Variants in PAK5 observed in about 807,000 individuals in gnomAD.
PAK5 encodes serine/threonine-protein kinase PAK 5.
In PAK5, 16 loss-of-function variants were observed where a neutral mutation model predicts 65.9. The ratio of observed to expected loss-of-function variants is 0.24; its 90% confidence interval spans 0.16 to 0.37. The LOEUF (loss-of-function observed/expected upper bound fraction) is 0.37, where lower values mean the gene tolerates loss of function less well. PAK5 is among the 10% of genes least tolerant of loss of function. PAK5 has a pLI of 1.00. For missense variants in PAK5, 785 were observed against 903.9 expected, an observed-to-expected ratio of 0.87 and a Z score of 1.69; for synonymous variants, 371 against 354.9, an observed-to-expected ratio of 1.05 and a Z score of -0.51.
chr20:9,773,009 T>A (rs1423351408), intron 1 of PAK5, among the ~76,000 whole-genome samples: 2 of 152,318 alleles, frequency 1.3e-5, no homozygotes, highest in East Asian at 3.9e-4. Context: ...CTAAGAGAGA[T>A]AAATCCTCAT....
chr20:9,703,209 C>T (rs2047962067), intron 2 of PAK5, among the ~76,000 whole-genome samples: 1 of 152,236 alleles, frequency 6.6e-6, no homozygotes, highest in African/African-American at 2.4e-5. Flanking sequence ...TCGGGATCAG[C>T]TCCAAGTGTC....
chr20:9,607,054 A>C (rs1427392775), intron 3 of PAK5, among the ~76,000 whole-genome samples: 1 of 152,280 alleles, frequency 6.6e-6, no homozygotes, highest in East Asian at 1.9e-4. Context: ...TCTATATTTC[A>C]TATTCTCTAC....
intron 2 of PAK5, among the ~76,000 whole-genome samples, chr20:9,709,272 G>T (rs932559156): frequency 6.6e-6 from 1 of 152,128 alleles, no homozygotes; most frequent in Non-Finnish European, 1.5e-5. Context: ...TGAGGAAAGG[G>T]TTAACTTGTG....
chr20:9,680,141 T>C (rs2047630182), intron 2 of PAK5, among the ~76,000 whole-genome samples: 1 of 152,242 alleles, frequency 6.6e-6, no homozygotes, highest in Non-Finnish European at 1.5e-5. Context: ...CAATGGCTAC[T>C]GAGCACTAGT....
At chr20:9,657,935 GA>G (rs1258070773) in intron 2 of PAK5, among the ~76,000 whole-genome samples, 2 of 152,150 alleles carry the variant, frequency 1.3e-5, no homozygotes, top group Non-Finnish European at 2.9e-5. Context: ...GATAGTCCCA[GA>G]TTCTCCAGAT....
At position 9,580,476 on chromosome 20, in the gene PAK5, T is replaced by G; in HGVS notation, c.659A>C (p.Gln220Pro). The G allele has an allele frequency of 6.2e-7, 1 of 1,614,006 alleles. No homozygotes were observed. Among genetic ancestry groups the G allele is most frequent in the African/African-American group, 1.3e-5 (1 of 75,040 alleles). Residue 220 changes from glutamine to proline, a missense_variant, in exon 4 of 10, where the codon CAG (glutamine) becomes CCG (proline). Gln to Pro is a moderately conservative substitution (Grantham distance 76). This residue lies in a region of PAK5 where 422 missense variants were observed against 413.3 expected (regional missense o/e 1.02). Transcript: ENST00000353224. ...CAGAGGGGAGCTACTCGAGGCTCTC[T>G]GATACTCCCACTTGAGGTCACTGTA... The part of the protein sequence containing the change: ...SEYSDLKWEY[Q>P]RASSSSPLDY...
At chr20:9,721,519 G>T (rs1195505804) in intron 1 of PAK5, among the ~76,000 whole-genome samples, 1 of 151,846 alleles carries the variant, frequency 6.6e-6, no homozygotes, top group Non-Finnish European at 1.5e-5. Context: ...CAAGTATGGT[G>T]GCTCGCACCT....
chr20:9,587,420 T>C (rs918345590), intron 3 of PAK5, among the ~76,000 whole-genome samples: 3 of 152,210 alleles, frequency 2.0e-5, no homozygotes, highest in African/African-American at 2.4e-5. Context: ...ACAATCAGCA[T>C]TCTATAGTTA....
chr20:9,734,818 C>T (rs1225061386), intron 1 of PAK5, among the ~76,000 whole-genome samples: 2 of 152,112 alleles, frequency 1.3e-5, no homozygotes, highest in Non-Finnish European at 2.9e-5. Flanking sequence ...AAGGAAGAGA[C>T]AGGTAACCAG....
At chr20:9,643,049 T>C (rs2047089728) in intron 3 of PAK5, among the ~76,000 whole-genome samples, 1 of 152,232 alleles carries the variant, frequency 6.6e-6, no homozygotes. Context: ...TATCAGCTGT[T>C]CTCTTTCTTT....
chr20:9,562,845 A>T, intron 6 of PAK5, 46 bp downstream of exon 6: 1 of 1,571,610 alleles, frequency 6.4e-7, no homozygotes, highest in Non-Finnish European at 8.7e-7. Context: ...TATCCTGGAG[A>T]AGAATAAGAA....
At chr20:9,560,008 A>C (rs2045568479) in intron 6 of PAK5, among the ~76,000 whole-genome samples, 1 of 152,194 alleles carries the variant, frequency 6.6e-6, no homozygotes, top group Non-Finnish European at 1.5e-5. Flanking sequence ...TTAATTCAGA[A>C]CCAAGAACCA....
In PAK5 at chr20:9,644,196, C is replaced by G. The variant is rs752016237; in HGVS notation, c.133G>C (p.Asp45His). 2.5e-6 allele frequency: 4 copies of G among 1,611,162 alleles called. No individual in the cohort carries two copies. Among genetic ancestry groups the G allele is most frequent in the Non-Finnish European group, 3.4e-6 (4 of 1,179,072 alleles). ...ATAGGCTTTGGCCTGTTGGCCGTAT[C>G]TGCTAACAGGCTGTGCCACTGCTGG... is the stretch of plus-strand genomic sequence containing the variant. ...LPQQWHSLLA[D>H]TANRPKPMVD... Residue 45 changes from aspartate to histidine, a missense_variant, in exon 3 of 10, where the codon GAT becomes CAT. Asp to His is a moderately conservative substitution (Grantham distance 81, BLOSUM62 -1). Coordinates refer to ENST00000353224, the MANE Select transcript of PAK5 (RefSeq NM_177990.4).
chr20:9,611,809 GTTAC>G (rs2046566396), intron 3 of PAK5, among the ~76,000 whole-genome samples: 1 of 152,160 alleles, frequency 6.6e-6, no homozygotes, highest in South Asian at 2.1e-4. Flanking sequence ...AGTCTAAGGA[GTTAC>G]TTGTGCTCCA....
intron 3 of PAK5, among the ~76,000 whole-genome samples, chr20:9,589,303 A>G (rs541855060): frequency 6.6e-6 from 1 of 152,258 alleles, no homozygotes; most frequent in Non-Finnish European, 1.5e-5. Context: ...GTAGCTGGAA[A>G]CATCAGGTAA....
intron 2 of PAK5, among the ~76,000 whole-genome samples, chr20:9,665,347 CCCACAAAT>C (rs1474173659): frequency 6.6e-6 from 1 of 152,124 alleles, no homozygotes; most frequent in Admixed American, 6.6e-5. Flanking sequence ...CTCCCCTGGG[CCCACAAAT>C]CCATTCCTCC....
intron 2 of PAK5, among the ~76,000 whole-genome samples, chr20:9,668,929 C>T (rs971349435): frequency 6.6e-6 from 1 of 152,196 alleles, no homozygotes; most frequent in Non-Finnish European, 1.5e-5. Context: ...CAGTGGCCTC[C>T]TGGTGCCCAA....
At chr20:9,818,124 CCTG>C (rs1326546231) in intron 1 of PAK5, among the ~76,000 whole-genome samples, 3 of 152,218 alleles carry the variant, frequency 2.0e-5, no homozygotes, top group African/African-American at 7.2e-5. Context: ...AACAAAATAC[CCTG>C]CTAAGTCAGT....
chr20:9,703,716 G>A (rs901684577), intron 2 of PAK5, among the ~76,000 whole-genome samples: 1 of 151,540 alleles, frequency 6.6e-6, no homozygotes, highest in African/African-American at 2.4e-5. Context: ...CATCCCCAGT[G>A]AAGTCAATAA....
Sources: gnomAD v4.1 joint callset for allele counts (sites outside exome capture counted in the v4.1 genomes callset) on GRCh38, gnomAD v4.1.1 for gene constraint, gnomAD v4.1.1 regional missense constraint, MANE v1.5 for transcripts, NCBI Gene and HGNC (gene_info 2026-07-23, HGNC 2026-07-21) for gene names.